Variants in GLIS1 observed in about 807,000 individuals in gnomAD.
GLIS1 encodes zinc finger protein GLIS1.
In GLIS1, 24 loss-of-function variants were observed where a neutral mutation model predicts 63.8. The ratio of observed to expected loss-of-function variants is 0.38; its 90% CI spans 0.27 to 0.53. The LOEUF (loss-of-function observed/expected upper bound fraction) is 0.53. Ranked by LOEUF, GLIS1 falls within the 20% of genes least tolerant of loss-of-function variation. The pLI is 0.85. For missense variants in GLIS1, 1,036 were observed against 1,074.1 expected, an observed-to-expected ratio of 0.96 and a Z score of 0.50; for synonymous variants, 450 against 482.5, an observed-to-expected ratio of 0.93 and a Z score of 0.88.
intron 2 of GLIS1, among the ~76,000 whole-genome samples, chr1:53,710,194 A>G (rs1320313674): frequency 6.6e-6 from 1 of 152,150 alleles, no homozygotes; most frequent in African/African-American, 2.4e-5. Flanking sequence ...ACCCGTCTCC[A>G]TCTCTGGGGG....
At chr1:53,573,554 T>A (rs926486648) in intron 4 of GLIS1, among the ~76,000 whole-genome samples, 3 of 152,056 alleles carry the variant, frequency 2.0e-5, no homozygotes, top group Non-Finnish European at 4.4e-5. Flanking sequence ...CACGTACACA[T>A]AGTTACATGG....
intron 2 of GLIS1, among the ~76,000 whole-genome samples, chr1:53,623,286 C>T (rs963094217): frequency 5.9e-5 from 9 of 151,934 alleles, no homozygotes; most frequent in Admixed American, 5.9e-4. Flanking sequence ...TTCACTTAAT[C>T]AAAAGAATAA....
intron 2 of GLIS1, among the ~76,000 whole-genome samples, chr1:53,699,355 T>C (rs1646500166): frequency 6.6e-6 from 1 of 152,168 alleles, no homozygotes. Context: ...TGAGCCACCA[T>C]GCCCAGCCGA....
intron 2 of GLIS1, among the ~76,000 whole-genome samples, chr1:53,621,754 C>A (rs533184086): frequency 6.6e-6 from 1 of 152,262 alleles, no homozygotes; most frequent in South Asian, 2.1e-4. Context: ...CTTCTTATTT[C>A]GTATTTGCTG....
chr1:53,530,209 G>A (rs1432436624), intron 4 of GLIS1, among the ~76,000 whole-genome samples: 1 of 152,202 alleles, frequency 6.6e-6, no homozygotes, highest in Non-Finnish European at 1.5e-5. Context: ...GGCCTTTCCA[G>A]TTCTGGACCC....
At chr1:53,568,093 C>A (rs1189894142) in intron 4 of GLIS1, among the ~76,000 whole-genome samples, 2 of 152,208 alleles carry the variant, frequency 1.3e-5, no homozygotes, top group Non-Finnish European at 2.9e-5. Context: ...AACACCAGCT[C>A]ATGAAAGCAG....
At chr1:53,669,037 T>C (rs574012559) in intron 2 of GLIS1, among the ~76,000 whole-genome samples, 5 of 152,268 alleles carry the variant, frequency 3.3e-5, no homozygotes, top group African/African-American at 9.6e-5. Flanking sequence ...CCAAACATTA[T>C]AGATGAGGAA....
At chr1:53,720,312 A>G (rs1166800371) in intron 2 of GLIS1, among the ~76,000 whole-genome samples, 2 of 152,274 alleles carry the variant, frequency 1.3e-5, no homozygotes, top group East Asian at 1.9e-4. Context: ...ACTATAGAAT[A>G]TTATTCAGCC....
chr1:53,659,354 G>A (rs1646001913), intron 2 of GLIS1, among the ~76,000 whole-genome samples: 1 of 152,196 alleles, frequency 6.6e-6, no homozygotes, highest in Non-Finnish European at 1.5e-5. Context: ...GGGGTGAGCT[G>A]CCTAGAGAGG....
At chr1:53,662,897 T>C (rs1570008333) in intron 2 of GLIS1, among the ~76,000 whole-genome samples, 1 of 152,188 alleles carries the variant, frequency 6.6e-6, no homozygotes, top group Non-Finnish European at 1.5e-5. Context: ...AAGCAAACAC[T>C]GTACACCCCC....
intron 4 of GLIS1, among the ~76,000 whole-genome samples, chr1:53,531,248 G>A (rs942131921): frequency 2.0e-5 from 3 of 152,200 alleles, no homozygotes; most frequent in African/African-American, 4.8e-5. Flanking sequence ...CCAACCATGA[G>A]CACCTAACCC....
chr1:53,530,030 T>G, intron 4 of GLIS1, 78 bp from the exon 5 acceptor site: 7 of 1,387,318 alleles, frequency 5.0e-6, no homozygotes, highest in East Asian at 2.4e-5. Flanking sequence ...CCCCCAGGCC[T>G]GCCTGGCCCC....
At chr1:53,637,473 A>C (rs1645738588) in intron 2 of GLIS1, among the ~76,000 whole-genome samples, 1 of 152,144 alleles carries the variant, frequency 6.6e-6, no homozygotes, top group African/African-American at 2.4e-5. Context: ...CCTAAAACAC[A>C]TGAATGCACT....
intron 2 of GLIS1, among the ~76,000 whole-genome samples, chr1:53,693,609 T>A (rs1331643636): frequency 2.0e-5 from 3 of 152,100 alleles, no homozygotes; most frequent in Non-Finnish European, 4.4e-5. Flanking sequence ...CTCAGCAGCA[T>A]GAGCTCAGTG....
At chr1:53,699,073 A>ATTTTTAT (rs1646497203) in intron 2 of GLIS1, among the ~76,000 whole-genome samples, 3 of 149,678 alleles carry the variant, frequency 2.0e-5, no homozygotes, top group Admixed American at 1.3e-4. Context: ...TTTTATTTTT[A>ATTTTTAT]TTTTTTTTTG....
chr1:53,603,026 A>G (rs1449076030), intron 2 of GLIS1, among the ~76,000 whole-genome samples: 2 of 152,234 alleles, frequency 1.3e-5, no homozygotes, highest in Non-Finnish European at 2.9e-5. Context: ...CACACAGGGA[A>G]GAAGGGACTG....
At chr1:53,657,135 T>G (rs953202301) in intron 2 of GLIS1, among the ~76,000 whole-genome samples, 3 of 152,220 alleles carry the variant, frequency 2.0e-5, no homozygotes, top group Non-Finnish European at 4.4e-5. Context: ...TAGTGTGTGC[T>G]GGTGGCTGGG....
intron 4 of GLIS1, among the ~76,000 whole-genome samples, chr1:53,532,383 G>A (rs1356093588): frequency 6.6e-6 from 1 of 152,196 alleles, no homozygotes; most frequent in African/African-American, 2.4e-5. Context: ...ATGGTTCCGG[G>A]ACAGCTCCCT....
chr1:53,549,810 C>A (rs1014277453), intron 4 of GLIS1, among the ~76,000 whole-genome samples: 2 of 152,188 alleles, frequency 1.3e-5, no homozygotes, highest in East Asian at 3.9e-4. Context: ...ACTCCCACAA[C>A]GCCATGAGGT....
Sources: allele counts gnomAD v4.1 joint callset (sites outside exome capture counted in the v4.1 genomes callset), GRCh38; gene constraint gnomAD v4.1.1; transcripts MANE v1.5; gene names NCBI Gene and HGNC (gene_info 2026-07-23, HGNC 2026-07-21).